DPP6: variants seen among roughly 807,000 people sequenced by gnomAD.
DPP6 encodes the protein A-type potassium channel modulatory protein DPP6.
In DPP6, 69 loss-of-function variants were observed where a neutral mutation model predicts 122.6. The observed-to-expected ratio is 0.56, with a 90% CI of 0.46 to 0.69. The LOEUF (loss-of-function observed/expected upper bound fraction) is 0.69, where lower values mean the gene tolerates loss of function less well. Ranked by LOEUF, DPP6 falls within the 30% of genes least tolerant of loss-of-function variation. The pLI is 0.00. For missense variants in DPP6, 928 were observed against 1,116.9 expected, an observed-to-expected ratio of 0.83 and a Z score of 2.41; for synonymous variants, 418 against 433.1, an observed-to-expected ratio of 0.97 and a Z score of 0.43.
At chr7:154,371,100 G>A (rs756104826) in intron 1 of DPP6, among the ~76,000 whole-genome samples, 42 of 152,136 alleles carry the variant, frequency 2.8e-4, no homozygotes, top group Non-Finnish European at 5.0e-4. Context: ...GAAGTGGGCC[G>A]GGCATGGTGG....
intron 5 of DPP6, among the ~76,000 whole-genome samples, chr7:154,570,990 C>T (rs1322899139): frequency 1.3e-5 from 2 of 152,170 alleles, no homozygotes; most frequent in African/African-American, 4.8e-5. Flanking sequence ...TGCTTATTTA[C>T]ACCACCTTAT....
intron 1 of DPP6, among the ~76,000 whole-genome samples, chr7:154,368,922 C>T (rs558844671): frequency 5.3e-5 from 8 of 152,266 alleles, no homozygotes; most frequent in Non-Finnish European, 1.2e-4. Context: ...GGTTGAGCCT[C>T]GCAGGTGGTT....
chr7:154,511,717 A>G (rs576615502), intron 3 of DPP6, among the ~76,000 whole-genome samples: 1 of 152,236 alleles, frequency 6.6e-6, no homozygotes, highest in Admixed American at 6.5e-5. Flanking sequence ...GCATCCTGGT[A>G]ACACCTAATT....
intron 3 of DPP6, among the ~76,000 whole-genome samples, chr7:154,478,851 G>C (rs1208461315): frequency 1.3e-5 from 2 of 152,176 alleles, no homozygotes. Context: ...CTCTATTCTA[G>C]CTTTCTATTC....
At position 154,618,405 on chromosome 7, in the gene DPP6, TC is replaced by T; in HGVS notation, c.628-19414del. ...TGCAGCGAGCTGGATTTCAGACCCT[TC>T]CTGTGCACACACACTGTTGCTTGCC... On this transcript the variant is annotated intron_variant, in intron 5 of 25. Transcript: ENST00000377770. This position sits in a 1 kb window ranked among gnomAD's most constrained non-coding sequence, Gnocchi z 4.1. 6.6e-6 allele frequency among the ~76,000 whole-genome samples: 1 copy of T among 152,302 alleles called. No individual in the cohort carries two copies. Among genetic ancestry groups the T allele is most frequent in the South Asian group, 2.1e-4 (1 of 4,828 alleles).
At chr7:154,003,612 G>C (rs1797780707) in intron 1 of DPP6, among the ~76,000 whole-genome samples, 2 of 152,028 alleles carry the variant, frequency 1.3e-5, no homozygotes, top group African/African-American at 4.8e-5. Context: ...TAATAAGAAG[G>C]GTTTGGAATA....
At chr7:154,359,486 C>T (rs1008557837) in intron 1 of DPP6, among the ~76,000 whole-genome samples, 2 of 152,100 alleles carry the variant, frequency 1.3e-5, no homozygotes, top group Non-Finnish European at 2.9e-5. Flanking sequence ...ATGCTCCTGG[C>T]CCCTCTTCCC....
intron 16 of DPP6, among the ~76,000 whole-genome samples, chr7:154,848,506 G>C (rs1589745): frequency 0.015 from 2,218 of 152,036 alleles, 174 homozygotes; most frequent in Admixed American, 0.13. Context: ...TTTTTAATAG[G>C]GTTGTTTGTT....
chr7:153,829,749 C>A, the DPP6 span, among the ~76,000 whole-genome samples: 3 of 152,196 alleles, frequency 2.0e-5, no homozygotes, highest in Non-Finnish European at 4.4e-5. Flanking sequence ...TTTTACCACG[C>A]CTCAGTCTCC....
chr7:154,439,377 G>C (rs1038702158), intron 1 of DPP6, among the ~76,000 whole-genome samples: 3 of 152,188 alleles, frequency 2.0e-5, no homozygotes, highest in Non-Finnish European at 4.4e-5. Context: ...CACTGAAAGG[G>C]ATTTCTCTTG....
At chr7:153,790,608 AAAT>A in the DPP6 span, among the ~76,000 whole-genome samples, 7 of 152,284 alleles carry the variant, frequency 4.6e-5, no homozygotes, top group African/African-American at 1.7e-4. Context: ...TTCTGTTGTA[AAAT>A]GTTTCCGTTG....
chr7:154,057,399 G>T (rs10244835), intron 1 of DPP6: 10 of 229,004 alleles, frequency 4.4e-5, no homozygotes, highest in Non-Finnish European at 7.1e-5. Context: ...GGCTTAGGAC[G>T]CCCATCGGGG....
rs146585066 is a variant in DPP6, at chr7:154,157,942, T to A, written c.243+104879T>A. ...GAGCACAACTCCATCTCAAAAAAAA[T>A]ATATACATATATATGTACATATATA... is the stretch of plus-strand genomic sequence containing the variant. On this transcript the variant is annotated intron_variant, in intron 1 of 25. Transcript: ENST00000377770. Among the ~76,000 whole-genome samples, 1,073 of 148,862 alleles carry A rather than the reference T, an allele frequency of 7.2e-3. 14 individuals carry two copies. The highest frequency in any genetic ancestry group is 0.023 in the African/African-American group (938 of 40,768).
chr7:154,866,241 T>C (rs1039278346), intron 17 of DPP6, among the ~76,000 whole-genome samples: 1 of 150,346 alleles, frequency 6.7e-6, no homozygotes, highest in African/African-American at 2.5e-5. Flanking sequence ...TTCCTGTAAC[T>C]GTGAATAGAA....
rs1554498746 is a variant in DPP6 at position 154,241,183 on chromosome 7, A to ATGTGTGTGTGTG, written c.243+188121_243+188122insGTGTGTGTGTGT. Reference sequence around the variant, plus strand: ...CTGCACAGTAGGTAATTCAATATCAATATGTGTGTGTGTGTGTGTGTGTGT... The same window carrying ATGTGTGTGTGTG: ...CTGCACAGTAGGTAATTCAATATCAATGTGTGTGTGTGTATGTGTGTGTGTGTGTGTGTGTGT... On this transcript the variant is annotated intron_variant, in intron 1 of 25. Coordinates refer to ENST00000377770, the MANE Select transcript of DPP6 (RefSeq NM_130797.4). This position sits in a 1 kb window ranked among gnomAD's most constrained non-coding sequence, Gnocchi z 9.0. Among the ~76,000 whole-genome samples, 13 of 35,578 alleles carry ATGTGTGTGTGTG rather than the reference A, an allele frequency of 3.7e-4. No homozygotes were observed. Among genetic ancestry groups the ATGTGTGTGTGTG allele is most frequent in the Non-Finnish European group, 6.6e-4 (10 of 15,068 alleles). The allele number at this position is 35,578 out of a possible 152,430, so 23.3% of individuals were successfully genotyped here. A position where few individuals can be genotyped will look rare whatever the true frequency, so the allele number is the denominator to read the frequency against.
chr7:154,021,289 A>G (rs1291434083), intron 1 of DPP6, among the ~76,000 whole-genome samples: 1 of 152,162 alleles, frequency 6.6e-6, no homozygotes, highest in East Asian at 1.9e-4. Flanking sequence ...CATTTAGTGG[A>G]CGAGGACAGG....
the DPP6 span, among the ~76,000 whole-genome samples, chr7:153,817,732 C>G: frequency 8.2e-6 from 1 of 121,994 alleles, no homozygotes; most frequent in Non-Finnish European, 1.6e-5. Flanking sequence ...CACTTGGACA[C>G]AGGGTGGGGA....
rs150385844 is a variant in DPP6, at chr7:154,178,934, G to A, written c.243+125871G>A. Among the ~76,000 whole-genome samples the A allele has an allele frequency of 2.1e-3, 322 of 152,314 alleles. 1 individual carries two copies. The highest frequency in any genetic ancestry group is 3.6e-3 in the Non-Finnish European group (247 of 68,026). On this transcript the variant is annotated intron_variant, in intron 1 of 25. Coordinates refer to ENST00000377770, the MANE Select transcript of DPP6 (RefSeq NM_130797.4). ...CCCAAGGGAAGTGGCAGGGTCCCAA[G>A]GGGAATGTTGAGTGAGGCTCTCACT...
chr7:154,241,283 C>T lies in DPP6; in HGVS notation c.243+188220C>T, dbSNP rs532125343. Among the ~76,000 whole-genome samples, 2 of 150,370 alleles carry T rather than the reference C, an allele frequency of 1.3e-5. No individual in the cohort carries two copies. Among genetic ancestry groups the T allele is most frequent in the South Asian group, 4.2e-4 (2 of 4,746 alleles). ...TTTAGGAAGACAAACATATTCATAACTATGTTTTCCATTAAAGTATGTTTT... is the reference window on the plus strand; with the variant it reads ...TTTAGGAAGACAAACATATTCATAATTATGTTTTCCATTAAAGTATGTTTT... On this transcript the variant is annotated intron_variant, in intron 1 of 25. Coordinates refer to ENST00000377770, the MANE Select transcript of DPP6 (RefSeq NM_130797.4). The surrounding 1 kb of genome is among the most constrained non-coding windows in gnomAD (Gnocchi z 9.0).
Sources: gnomAD v4.1 joint callset for allele counts (sites outside exome capture counted in the v4.1 genomes callset) on GRCh38, gnomAD v4.1.1 for gene constraint, Gnocchi (gnomAD v3.1) non-coding constraint, MANE v1.5 for transcripts, NCBI Gene and HGNC (gene_info 2026-07-23, HGNC 2026-07-21) for gene names.